Variants in PCDH15 observed in about 807,000 individuals in gnomAD.
The protein encoded by PCDH15 is protocadherin-15.
A neutral mutation model predicts 178.5 loss-of-function variants in PCDH15; 129 were observed. The ratio of observed to expected loss-of-function variants is 0.72; its 90% CI spans 0.63 to 0.84. The LOEUF is 0.84. Ranked by LOEUF, PCDH15 falls within the 40% of genes least tolerant of loss-of-function variation. PCDH15 has a pLI of 0.00. For missense variants in PCDH15, 2,230 were observed against 2,099.9 expected, an observed-to-expected ratio of 1.06 and a Z score of -1.21; for synonymous variants, 800 against 732.0, an observed-to-expected ratio of 1.09 and a Z score of -1.50.
At chr10:54,699,247 C>T (rs543605083) in intron 1 of PCDH15, among the ~76,000 whole-genome samples, 5 of 152,106 alleles carry the variant, frequency 3.3e-5, no homozygotes, top group African/African-American at 1.2e-4. Context: ...TTTGACAATG[C>T]TTAACTACAG....
chr10:54,825,069 T>C (rs1487317982), intron 3 of PCDH15, among the ~76,000 whole-genome samples: 1 of 151,986 alleles, frequency 6.6e-6, no homozygotes, highest in Admixed American at 6.6e-5. Context: ...TTCCCCTTCC[T>C]GTGTCCATGT....
chr10:54,740,916 A>AAT (rs1944714830), intron 1 of PCDH15, among the ~76,000 whole-genome samples: 1 of 151,934 alleles, frequency 6.6e-6, no homozygotes, highest in Admixed American at 6.6e-5. Context: ...TGGATACAAA[A>AAT]ATATATATAG....
chr10:54,533,813 A>G (rs979000134), intron 2 of PCDH15, among the ~76,000 whole-genome samples: 4 of 152,158 alleles, frequency 2.6e-5, no homozygotes, highest in Non-Finnish European at 4.4e-5. Context: ...TAATCCATCA[A>G]ATCCTTAGCT....
Position 53,978,480 on chromosome 10 carries a change from C to T in PCDH15, c.2869-16588G>A, listed in dbSNP as rs539465670. Among the ~76,000 whole-genome samples, 190 of 152,054 alleles carry T rather than the reference C, an allele frequency of 1.2e-3. 1 individual carries two copies. The highest frequency in any genetic ancestry group is 4.4e-3 in the African/African-American group (183 of 41,484). On this transcript the variant is annotated intron_variant, in intron 21 of 37. Transcript: ENST00000644397. ...TATACACAGCAGGGGGGTCCCTGGA[C>T]CCAGCCCAGGAAACCATTTTTCCCT...
chr10:53,968,937 A>G (rs2089355101), intron 21 of PCDH15, among the ~76,000 whole-genome samples: 1 of 152,200 alleles, frequency 6.6e-6, no homozygotes, highest in African/African-American at 2.4e-5. Flanking sequence ...TAAAAATCAG[A>G]GCACCTCTTC....
Position 53,983,250 on chromosome 10 carries a change from G to A in PCDH15, c.2868+12399C>T, listed in dbSNP as rs533223194. 5.6e-4 allele frequency among the ~76,000 whole-genome samples: 84 copies of A among 150,380 alleles called. 1 individual carries two copies. In the South Asian group the frequency reaches 0.018, roughly 31 times the overall value. ...TGTGTGTTTGTGTGTGTGTGTGTGT[G>A]TATACATATACACACACAAAATATA... On this transcript the variant is annotated intron_variant, in intron 21 of 37. Coordinates refer to ENST00000644397, the MANE Select transcript of PCDH15 (RefSeq NM_001384140.1).
intron 3 of PCDH15, among the ~76,000 whole-genome samples, chr10:54,851,505 A>G (rs1421722243): frequency 3.3e-5 from 5 of 152,202 alleles, no homozygotes. Flanking sequence ...ACACCAGTCA[A>G]TATAAACTAA....
chr10:55,339,766 T>C (rs1033535331), intron 2 of PCDH15, among the ~76,000 whole-genome samples: 1 of 152,084 alleles, frequency 6.6e-6, no homozygotes, highest in Non-Finnish European at 1.5e-5. Context: ...CACTCGAGTC[T>C]AATTTTAAAT....
intron 8 of PCDH15, among the ~76,000 whole-genome samples, chr10:54,310,182 TTGAA>T (rs1465762167): frequency 6.6e-6 from 1 of 152,066 alleles, no homozygotes; most frequent in Non-Finnish European, 1.5e-5. Context: ...ATAAGTTACT[TTGAA>T]TGATAAGATA....
intron 5 of PCDH15, among the ~76,000 whole-genome samples, chr10:54,365,835 C>A (rs1322819759): frequency 6.6e-6 from 1 of 151,988 alleles, no homozygotes; most frequent in Non-Finnish European, 1.5e-5. Flanking sequence ...CTTGTTATAA[C>A]CCGTGTTCAA....
intron 2 of PCDH15, among the ~76,000 whole-genome samples, chr10:55,504,150 C>T (rs2050319): frequency 0.75 from 112,739 of 151,018 alleles, 42,981 homozygotes; most frequent in East Asian, 0.99. Context: ...TCAACCCTAA[C>T]GTAAACTATG....
intron 3 of PCDH15, among the ~76,000 whole-genome samples, chr10:54,462,661 G>A (rs1379432365): frequency 3.8e-5 from 5 of 133,158 alleles, no homozygotes; most frequent in South Asian, 4.9e-4. Flanking sequence ...ATACAGGCAC[G>A]TGTCACCACA....
At chr10:54,765,077 C>A (rs976305040) in intron 1 of PCDH15, among the ~76,000 whole-genome samples, 1 of 152,052 alleles carries the variant, frequency 6.6e-6, no homozygotes, top group Non-Finnish European at 1.5e-5. Context: ...AAGAAATTAC[C>A]CACAAGTTGT....
At position 55,107,953 on chromosome 10, in the gene PCDH15, C is replaced by T. The variant is rs527926690; in HGVS notation, c.-80+58623G>A. Among the ~76,000 whole-genome samples, 6 of 152,182 alleles carry T rather than the reference C, an allele frequency of 3.9e-5. No homozygotes were observed. In the South Asian group the frequency reaches 6.2e-4, roughly 16 times the overall value. ...ATATTGAGGCCCTAATGTGATGGTG[C>T]GTTTGGAGATGAGACATTTGGAAGG... On this transcript the variant is annotated intron_variant, in intron 2 of 5. Coordinates refer to the PCDH15 transcript ENST00000458638.
At chr10:54,272,304 T>C (rs1339867585) in intron 8 of PCDH15, among the ~76,000 whole-genome samples, 1 of 151,876 alleles carries the variant, frequency 6.6e-6, no homozygotes, top group African/African-American at 2.4e-5. Context: ...TAGTCTATTA[T>C]TTGATTAATT....
chr10:54,134,760 GA>G lies in PCDH15; in HGVS notation c.1785-1754del, dbSNP rs149941796. On this transcript the variant is annotated intron_variant, in intron 14 of 37. Transcript: ENST00000644397. The stretch of plus-strand genomic sequence containing the variant: ...AGAGCAAGACTCCGTCTCAAAAAAA[GA>G]AAAAAAAAAAAAAGAAATTCAGATC... Among the ~76,000 whole-genome samples, 889 of 90,746 alleles carry G rather than the reference GA, an allele frequency of 9.8e-3. 6 individuals carry two copies. Among genetic ancestry groups the G allele is most frequent in the East Asian group, 0.047 (147 of 3,116 alleles). 59.5% of individuals were successfully genotyped at this position (90,746 alleles called of 152,430 possible). A position where few individuals can be genotyped will look rare whatever the true frequency, so the allele number is the denominator to read the frequency against.
intron 13 of PCDH15, among the ~76,000 whole-genome samples, chr10:54,179,791 G>C (rs2047804895): frequency 6.6e-6 from 1 of 152,118 alleles, no homozygotes; most frequent in Non-Finnish European, 1.5e-5. Flanking sequence ...AAGTTCCTCA[G>C]GCAGAATGCT....
intron 2 of PCDH15, among the ~76,000 whole-genome samples, chr10:55,426,887 C>T (rs967166660): frequency 2.0e-5 from 3 of 152,144 alleles, no homozygotes; most frequent in Non-Finnish European, 4.4e-5. Flanking sequence ...CAAGCCACTT[C>T]TCTCCAATGT....
At chr10:54,876,501 C>T (rs1037247063) in intron 3 of PCDH15, among the ~76,000 whole-genome samples, 2 of 152,054 alleles carry the variant, frequency 1.3e-5, no homozygotes, top group Non-Finnish European at 2.9e-5. Flanking sequence ...CTGGAATCAC[C>T]ATTCTAGATG....
Sources: allele counts gnomAD v4.1 joint callset (sites outside exome capture counted in the v4.1 genomes callset), GRCh38; gene constraint gnomAD v4.1.1; transcripts MANE v1.5; gene names NCBI Gene and HGNC (gene_info 2026-07-23, HGNC 2026-07-21).